The following OCA2 variants were observed in gnomAD, a reference collection of about 807,000 sequenced individuals.
The protein encoded by OCA2 is P protein.
OCA2 carries 77 observed loss-of-function variants against 100.2 expected under a neutral mutation model. The ratio of observed to expected loss-of-function variants is 0.77; its 90% CI spans 0.64 to 0.93. OCA2 has a LOEUF of 0.93. OCA2 is among the 40% of genes least tolerant of loss of function. The pLI is 0.00. For missense variants in OCA2, 1,062 were observed against 1,089.1 expected (o/e 0.98, Z 0.35); for synonymous variants, 432 against 439.2 (o/e 0.98, Z 0.21).
chr15:28,079,721 A>G (rs2044555403), intron 2 of OCA2, among the ~76,000 whole-genome samples: 1 of 151,916 alleles, frequency 6.6e-6, no homozygotes, highest in African/African-American at 2.4e-5. Flanking sequence ...GCATCTCCAC[A>G]CTCAGCCTAG....
chr15:27,816,894 C>T (rs970109332), intron 23 of OCA2, among the ~76,000 whole-genome samples: 7 of 152,120 alleles, frequency 4.6e-5, no homozygotes, highest in Non-Finnish European at 7.4e-5. Context: ...CACTGCCCTC[C>T]GGAGCCACCC....
At chr15:28,015,543 T>C (rs1180063961) in intron 8 of OCA2, among the ~76,000 whole-genome samples, 1 of 151,940 alleles carries the variant, frequency 6.6e-6, no homozygotes, top group Non-Finnish European at 1.5e-5. Context: ...CCTAATCCAG[T>C]AGGATGGGTG....
At chr15:28,003,817 C>T (rs1390845609) in intron 9 of OCA2, among the ~76,000 whole-genome samples, 1 of 152,242 alleles carries the variant, frequency 6.6e-6, no homozygotes, top group African/African-American at 2.4e-5. Context: ...TCTGGGTGCT[C>T]TGAAGGTGGG....
chr15:28,047,816 G>A (rs570656098), intron 2 of OCA2, among the ~76,000 whole-genome samples: 11 of 152,218 alleles, frequency 7.2e-5, no homozygotes, highest in African/African-American at 2.6e-4. Flanking sequence ...GGGGAAGGAA[G>A]AAGTAAAAAT....
At chr15:28,096,371 CG>C in intron 1 of OCA2, among the ~76,000 whole-genome samples, 1 of 152,262 alleles carries the variant, frequency 6.6e-6, no homozygotes, top group Middle Eastern at 3.4e-3. Context: ...GACTGTGAGC[CG>C]GAGGCGTAGC....
chr15:28,027,488 C>T (rs539367858), intron 4 of OCA2, among the ~76,000 whole-genome samples: 1 of 152,296 alleles, frequency 6.6e-6, no homozygotes, highest in South Asian at 2.1e-4. Context: ...TCAGGCTGTG[C>T]GCTGGGCCAG....
chr15:27,788,510 C>A (rs1387141386), intron 23 of OCA2, among the ~76,000 whole-genome samples: 1 of 152,034 alleles, frequency 6.6e-6, no homozygotes. Context: ...ATTTGTATAG[C>A]CATTTCAGCT....
intron 2 of OCA2, among the ~76,000 whole-genome samples, chr15:28,077,136 T>G (rs1050990452): frequency 2.0e-5 from 3 of 151,666 alleles, no homozygotes; most frequent in Non-Finnish European, 2.9e-5. Flanking sequence ...CTCAGCTTAC[T>G]GCAACCTCAG....
chr15:27,755,392 T>A lies in OCA2; in HGVS notation c.2513A>T (p.Asn838Ile). ...LLVAHVVVGW[N>I] is the part of the protein sequence containing the mutation. ...CGAGCAATAGATGGATGTCTATTAA[T>A]TCCATCCCACCACCACATGAGCCAC... Residue 838 changes from asparagine to isoleucine, a missense_variant, in exon 24 of 24, where the codon AAT (asparagine) becomes ATT (isoleucine). Physicochemically the swap from Asn to Ile is moderately radical, Grantham distance 149. Coordinates refer to ENST00000354638, the MANE Select transcript of OCA2 (RefSeq NM_000275.3). 1 of 1,606,980 alleles carries A rather than the reference T, an allele frequency of 6.2e-7. No homozygotes were observed. Among genetic ancestry groups the A allele is most frequent in the Non-Finnish European group, 8.5e-7 (1 of 1,173,542 alleles).
chr15:28,024,472 G>A (rs1395818395), intron 5 of OCA2, among the ~76,000 whole-genome samples: 2 of 152,204 alleles, frequency 1.3e-5, no homozygotes, highest in Non-Finnish European at 2.9e-5. Context: ...GACACTCTGG[G>A]CTATCCACGA....
In OCA2 at chr15:28,091,720, C is replaced by T. The variant is rs578248954; in HGVS notation, c.-22+7504G>A. ...TCTGTAATCCCAGCACTTTGGGAGG[C>T]TGAGGCAGGAGGATCACTTGAGGTC... is the stretch of plus-strand genomic sequence containing the variant. On this transcript the variant is annotated intron_variant, in intron 1 of 23. Transcript: ENST00000354638. Among the ~76,000 whole-genome samples, 14 of 152,308 alleles carry T rather than the reference C, an allele frequency of 9.2e-5. No homozygotes were observed. In the East Asian group the frequency reaches 1.5e-3, roughly 17 times the overall value.
At chr15:27,900,330 C>CT (rs978552452) in intron 19 of OCA2, among the ~76,000 whole-genome samples, 2 of 152,094 alleles carry the variant, frequency 1.3e-5, no homozygotes, top group African/African-American at 2.4e-5. Flanking sequence ...AACATTCTTA[C>CT]TAGCAACACC....
the OCA2 span, among the ~76,000 whole-genome samples, chr15:27,748,428 G>T: frequency 6.6e-6 from 1 of 152,124 alleles, no homozygotes; most frequent in East Asian, 1.9e-4. Context: ...GGGAGCAGTG[G>T]AAGCATCAAC....
chr15:27,783,762 G>C (rs376205693), intron 23 of OCA2, among the ~76,000 whole-genome samples: 1 of 152,220 alleles, frequency 6.6e-6, no homozygotes, highest in African/African-American at 2.4e-5. Context: ...CACTGAAGAC[G>C]GGCAAGAGAT....
chr15:27,955,191 AT>A lies in OCA2; in HGVS notation c.1808del (p.Asn603IlefsTer25), dbSNP rs1476192724. On this transcript the variant is annotated frameshift_variant, in exon 17 of 24. Coordinates refer to ENST00000354638, the MANE Select transcript of OCA2 (RefSeq NM_000275.3). LOFTEE classifies it high-confidence loss of function. The stretch of plus-strand genomic sequence containing the variant: ...GGAGTTCTTGGATATTGGTCTCCCA[AT>A]TTTTGTCCTCCTGTGAGATCTGTCT... ...FHRQISQEDK[N>X]WETNIQELQK... The A allele has an allele frequency of 1.2e-6, 2 of 1,612,524 alleles. No homozygotes were observed. The highest frequency in any genetic ancestry group is 1.7e-5 in the Admixed American group (1 of 60,024).
chr15:27,722,798 CTCTT>C, the OCA2 span, among the ~76,000 whole-genome samples: 828 of 94,080 alleles, frequency 8.8e-3, 4 homozygotes, highest in Non-Finnish European at 0.012. Context: ...CTCTCTCTCT[CTCTT>C]TCTCTCTCTC....
Position 27,957,516 on chromosome 15 carries a change from T to C in OCA2, c.1784+72A>G. Reference sequence around the variant, plus strand: ...ATCACGTATTAGTATACAGCTAATGTCGCTATTTTGTAGGCCCATGGAATG... The same window carrying C: ...ATCACGTATTAGTATACAGCTAATGCCGCTATTTTGTAGGCCCATGGAATG... On this transcript the variant is annotated intron_variant, in intron 16 of 23. Transcript: ENST00000354638. The surrounding 1 kb of genome is among the most constrained non-coding windows in gnomAD (Gnocchi z 4.3). The C allele has an allele frequency of 6.5e-7, 1 of 1,544,126 alleles. No individual in the cohort carries two copies. Among genetic ancestry groups the C allele is most frequent in the Non-Finnish European group, 8.9e-7 (1 of 1,120,252 alleles).
At chr15:27,952,568 T>C (rs2040069994) in intron 17 of OCA2, among the ~76,000 whole-genome samples, 3 of 152,254 alleles carry the variant, frequency 2.0e-5, no homozygotes, top group Non-Finnish European at 2.9e-5. Flanking sequence ...AGGCCTGCCC[T>C]GTTAACAAGG....
chr15:27,911,199 C>G (rs2038381683), intron 19 of OCA2, among the ~76,000 whole-genome samples: 1 of 151,994 alleles, frequency 6.6e-6, no homozygotes, highest in South Asian at 2.1e-4. Flanking sequence ...ATACTTGAGG[C>G]TGGGTAATTT....
Sources: gnomAD v4.1 joint callset for allele counts (sites outside exome capture counted in the v4.1 genomes callset) on GRCh38, gnomAD v4.1.1 for gene constraint, Gnocchi (gnomAD v3.1) non-coding constraint, MANE v1.5 for transcripts, NCBI Gene and HGNC (gene_info 2026-07-23, HGNC 2026-07-21) for gene names.